PHACTR2: variants seen among roughly 807,000 people sequenced by gnomAD.
PHACTR2 encodes the protein chromosome 6 open reading frame 56.
A neutral mutation model predicts 76.0 loss-of-function variants in PHACTR2; 30 were observed. The ratio of observed to expected loss-of-function variants is 0.39; its 90% CI spans 0.30 to 0.54. PHACTR2 has a LOEUF of 0.54. PHACTR2 is among the 20% of genes least tolerant of loss of function. The probability of loss-of-function intolerance (pLI) is 0.61; values close to 1 mark genes in which losing one functional copy is unlikely to be tolerated. For missense variants in PHACTR2, 696 were observed against 781.1 expected (o/e 0.89, Z 1.30); for synonymous variants, 292 against 292.5 (o/e 1.00, Z 0.02).
rs1166627601 is a variant in PHACTR2, at chr6:143,580,596, C to T, written c.217+43389C>T. Among the ~76,000 whole-genome samples, 4 of 152,160 alleles carry T rather than the reference C, an allele frequency of 2.6e-5. No homozygotes were observed. Among genetic ancestry groups the T allele is most frequent in the Admixed American group, 6.5e-5 (1 of 15,280 alleles). On this transcript the variant is annotated intron_variant, in intron 1 of 11. Transcript: ENST00000367584. The surrounding 1 kb of genome is among the most constrained non-coding windows in gnomAD (Gnocchi z 4.2). ...GCTGAGGCAGGAGAATTGCTTGAAC[C>T]CGGGAGGCAGAGGTTGCAGTGAACT...
At chr6:143,682,752 T>A (rs1777420659) in intron 1 of PHACTR2, among the ~76,000 whole-genome samples, 1 of 120,168 alleles carries the variant, frequency 8.3e-6, no homozygotes, top group Non-Finnish European at 1.9e-5. Flanking sequence ...TTGTTCCTGA[T>A]CTAACAAAAA....
At position 143,811,801 on chromosome 6, in the gene PHACTR2, A is replaced by T. The variant is rs1175384887; in HGVS notation, c.1922+4668A>T. On this transcript the variant is annotated intron_variant, in intron 12 of 12. Coordinates refer to ENST00000440869, the MANE Select transcript of PHACTR2 (RefSeq NM_001100164.2). The surrounding 1 kb of genome is among the most constrained non-coding windows in gnomAD (Gnocchi z 4.1). ...TTCAGTAATTCTTTTAAGGGGAAAA[A>T]GTTCTGGTAATCACTACTCTTTCTA... Among the ~76,000 whole-genome samples the T allele has an allele frequency of 1.3e-5, 2 of 152,206 alleles. No homozygotes were observed. The highest frequency in any genetic ancestry group is 4.8e-5 in the African/African-American group (2 of 41,464).
At chr6:143,630,530 A>C (rs1347222779) in intron 1 of PHACTR2, among the ~76,000 whole-genome samples, 1 of 152,178 alleles carries the variant, frequency 6.6e-6, no homozygotes. Flanking sequence ...ACTATCATTA[A>C]TCCTTCATAG....
rs1206240548 is a variant in PHACTR2, at chr6:143,785,563, G to T, written c.1707+2283G>T. Among the ~76,000 whole-genome samples the T allele has an allele frequency of 1.1e-4, 17 of 152,194 alleles. 1 individual carries two copies. The highest frequency in any genetic ancestry group is 1.1e-3 in the Admixed American group (17 of 15,276). On this transcript the variant is annotated intron_variant, in intron 10 of 12. Coordinates refer to ENST00000440869, the MANE Select transcript of PHACTR2 (RefSeq NM_001100164.2). ...TCTTTGCACAGCTCCACTAGGCAGT[G>T]CCCCAGTAGGGACTCTGTGTGGGGG...
Position 143,589,905 on chromosome 6 carries a change from A to C in PHACTR2, c.217+52698A>C, listed in dbSNP as rs906179545. Among the ~76,000 whole-genome samples, 3 of 152,230 alleles carry C rather than the reference A, an allele frequency of 2.0e-5. No individual in the cohort carries two copies. The highest frequency in any genetic ancestry group is 4.4e-5 in the Non-Finnish European group (3 of 68,044). On this transcript the variant is annotated intron_variant, in intron 1 of 11. Coordinates refer to the PHACTR2 transcript ENST00000367584. This position sits in a 1 kb window ranked among gnomAD's most constrained non-coding sequence, Gnocchi z 4.4. The stretch of plus-strand genomic sequence containing the variant: ...ATAATAGGAGAAGGGAAAATGGCAG[A>C]CTAGTCTCAATTATCAAAGTAGATG...
chr6:143,719,216 T>G (rs1448613865), intron 2 of PHACTR2, among the ~76,000 whole-genome samples: 1 of 148,804 alleles, frequency 6.7e-6, no homozygotes, highest in African/African-American at 2.5e-5. Flanking sequence ...CACCCTCACA[T>G]CATATTGGAG....
intron 1 of PHACTR2, 180 bp from the exon 2 acceptor site, chr6:143,711,836 T>C: frequency 1.3e-6 from 1 of 755,048 alleles, no homozygotes; most frequent in Non-Finnish European, 2.4e-6. Flanking sequence ...CTGTAATTTC[T>C]GATTGACTGA....
rs1468047334 is a variant in PHACTR2 at position 143,585,801 on chromosome 6, A to T, written c.217+48594A>T. On this transcript the variant is annotated intron_variant, in intron 1 of 11. Coordinates refer to the PHACTR2 transcript ENST00000367584. This position sits in a 1 kb window ranked among gnomAD's most constrained non-coding sequence, Gnocchi z 5.2. ...GACTTCTTAGGTAATTTCTGTTTCA[A>T]ATTAGATTTGGCTAGGGAATTAATG... Among the ~76,000 whole-genome samples the T allele has an allele frequency of 6.6e-6, 1 of 152,224 alleles. No individual in the cohort carries two copies. The highest frequency in any genetic ancestry group is 1.5e-5 in the Non-Finnish European group (1 of 68,038).
In PHACTR2 at chr6:143,782,788, T is replaced by G. The variant is rs751933859; in HGVS notation, c.1646-431T>G. 5.9e-5 allele frequency among the ~76,000 whole-genome samples: 9 copies of G among 152,200 alleles called. No individual in the cohort carries two copies. The highest frequency in any genetic ancestry group is 1.3e-4 in the Non-Finnish European group (9 of 68,026). On this transcript the variant is annotated intron_variant, in intron 9 of 12. Transcript: ENST00000440869. The surrounding 1 kb of genome is among the most constrained non-coding windows in gnomAD (Gnocchi z 4.6). ...TGCATCGGATGGTTCTAATTTGCTC[T>G]TTTAATATGTCTCAGATTTTCACAC...
In PHACTR2 at chr6:143,743,663, G is replaced by A. The variant is rs186567172; in HGVS notation, c.215-5322G>A. ...ACTGCTATTGAAGAGGGGCAAAGCC[G>A]AGCCAGGCTCTTGTAGAACACTTTC... On this transcript the variant is annotated intron_variant, in intron 2 of 12. Transcript: ENST00000440869. The surrounding 1 kb of genome is among the most constrained non-coding windows in gnomAD (Gnocchi z 5.0). Among the ~76,000 whole-genome samples the A allele has an allele frequency of 8.5e-4, 130 of 152,318 alleles. 1 individual carries two copies. Among genetic ancestry groups the A allele is most frequent in the Middle Eastern group, 6.8e-3 (2 of 294 alleles).
rs1221953670 is a variant in PHACTR2, at chr6:143,820,532, A to G, written c.1923-3142A>G. Among the ~76,000 whole-genome samples the G allele has an allele frequency of 1.3e-5, 2 of 152,076 alleles. No homozygotes were observed. Among genetic ancestry groups the G allele is most frequent in the Admixed American group, 6.6e-5 (1 of 15,260 alleles). ...TGTTAAATCATAAAGCTCCAAAATA[A>G]TCTCCTCTGACTCCATGTCCCATGT... On this transcript the variant is annotated intron_variant, in intron 12 of 12. Coordinates refer to ENST00000440869, the MANE Select transcript of PHACTR2 (RefSeq NM_001100164.2). This position sits in a 1 kb window ranked among gnomAD's most constrained non-coding sequence, Gnocchi z 4.2.
chr6:143,828,623 A>G lies in PHACTR2; in HGVS notation c.*4934A>G, dbSNP rs553668130. 3.9e-5 allele frequency: 6 copies of G among 152,276 alleles called. No homozygotes were observed. In the East Asian group the frequency reaches 7.7e-4, roughly 20 times the overall value. The allele number at this position is 152,276 out of a possible 1,614,324, so 9.4% of individuals were successfully genotyped here. A position where few individuals can be genotyped will look rare whatever the true frequency, so the allele number is the denominator to read the frequency against. ...TATAAGGATGGGTCATTTTTTAGCCATGCTAGGATTTACTGCACACACAAA... is the reference window on the plus strand; with the variant it reads ...TATAAGGATGGGTCATTTTTTAGCCGTGCTAGGATTTACTGCACACACAAA... On this transcript the variant is annotated 3_prime_UTR_variant, in exon 13 of 13. Transcript: ENST00000440869. The surrounding 1 kb of genome is among the most constrained non-coding windows in gnomAD (Gnocchi z 4.7).
At position 143,646,595 on chromosome 6, in the gene PHACTR2, C is replaced by T. The variant is rs899209084; in HGVS notation, c.13+38273C>T. ...TATTATTGAACTAGAGTTCCCTTTC[C>T]TAGGTACATGGAGCAAATAGAGAAG... On this transcript the variant is annotated intron_variant, in intron 1 of 11. Transcript: ENST00000305766. The surrounding 1 kb of genome is among the most constrained non-coding windows in gnomAD (Gnocchi z 4.1). 1.3e-5 allele frequency among the ~76,000 whole-genome samples: 2 copies of T among 152,102 alleles called. No individual in the cohort carries two copies. The highest frequency in any genetic ancestry group is 2.9e-5 in the Non-Finnish European group (2 of 68,004).
chr6:143,618,640 G>A lies in PHACTR2; in HGVS notation c.13+10318G>A, dbSNP rs1776098937. Among the ~76,000 whole-genome samples the A allele has an allele frequency of 6.6e-6, 1 of 151,830 alleles. No individual in the cohort carries two copies. Among genetic ancestry groups the A allele is most frequent in the Non-Finnish European group, 1.5e-5 (1 of 67,956 alleles). ...ATAGGGGTTGAATGTTTCCCTAACT[G>A]CCCCTCCTGCTCCAGCCCCCACCAT... On this transcript the variant is annotated intron_variant, in intron 1 of 11. Transcript: ENST00000305766. This position sits in a 1 kb window ranked among gnomAD's most constrained non-coding sequence, Gnocchi z 5.2.
chr6:143,753,064 T>C lies in PHACTR2; in HGVS notation c.296-690T>C, dbSNP rs554894169. Among the ~76,000 whole-genome samples the C allele has an allele frequency of 1.4e-4, 21 of 152,052 alleles. No homozygotes were observed. The East Asian group carries it at 3.5e-3, about 25-fold the overall frequency. Reference sequence around the variant, plus strand: ...GTGATTACTTTTTTATGTGTGTTTTTTTTTTCTCGAATGTTTTCAAATTAT... The same window carrying C: ...GTGATTACTTTTTTATGTGTGTTTTCTTTTTCTCGAATGTTTTCAAATTAT... On this transcript the variant is annotated intron_variant, in intron 3 of 12. Coordinates refer to ENST00000440869, the MANE Select transcript of PHACTR2 (RefSeq NM_001100164.2). The surrounding 1 kb of genome is among the most constrained non-coding windows in gnomAD (Gnocchi z 4.6).
intron 7 of PHACTR2, among the ~76,000 whole-genome samples, chr6:143,773,816 C>A (rs1775208463): frequency 6.6e-6 from 1 of 152,174 alleles, no homozygotes; most frequent in Non-Finnish European, 1.5e-5. Context: ...AGTGATACTT[C>A]TAAGTTTTTT....
At chr6:143,590,699 G>A (rs1363583902) in intron 1 of PHACTR2, among the ~76,000 whole-genome samples, 2 of 152,094 alleles carry the variant, frequency 1.3e-5, no homozygotes, top group African/African-American at 2.4e-5. Context: ...TCTATGTACA[G>A]GAACACGCTG....
At chr6:143,723,752 C>G (rs1471728323) in intron 2 of PHACTR2, among the ~76,000 whole-genome samples, 2 of 151,900 alleles carry the variant, frequency 1.3e-5, no homozygotes, top group Non-Finnish European at 2.9e-5. Flanking sequence ...GGTACACCAC[C>G]CTTCTCTATC....
rs1775701074 is a variant in PHACTR2 at position 143,592,324 on chromosome 6, A to C, written c.217+55117A>C. Among the ~76,000 whole-genome samples, 1 of 152,212 alleles carries C rather than the reference A, an allele frequency of 6.6e-6. No homozygotes were observed. The highest frequency in any genetic ancestry group is 1.5e-5 in the Non-Finnish European group (1 of 68,028). On this transcript the variant is annotated intron_variant, in intron 1 of 11. Coordinates refer to the PHACTR2 transcript ENST00000367584. The surrounding 1 kb of genome is among the most constrained non-coding windows in gnomAD (Gnocchi z 4.0). ...AATGGTAAGATGAACCATCCTCTCCATCCAGATCCCCTGCATGTTTACTAT... is the reference window on the plus strand; with the variant it reads ...AATGGTAAGATGAACCATCCTCTCCCTCCAGATCCCCTGCATGTTTACTAT...
Sources: gnomAD v4.1 joint callset for allele counts (sites outside exome capture counted in the v4.1 genomes callset) on GRCh38, gnomAD v4.1.1 for gene constraint, Gnocchi (gnomAD v3.1) non-coding constraint, MANE v1.5 for transcripts, NCBI Gene and HGNC (gene_info 2026-07-23, HGNC 2026-07-21) for gene names.